Variants in LINGO2 observed in about 807,000 individuals in gnomAD.
LINGO2 encodes the protein leucine rich repeat and Ig domain containing 2, also known as leucine-rich repeat and immunoglobulin-like domain-containing nogo receptor-interacting protein 2.
In LINGO2, 14 loss-of-function variants were observed where a neutral mutation model predicts 30.6. The observed-to-expected ratio is 0.46, with a 90% confidence interval of 0.30 to 0.72. The LOEUF is 0.72. Among genes scored for constraint, LINGO2 ranks in the 30% least tolerant of loss-of-function variants. LINGO2 has a pLI of 0.07. For synonymous variants in LINGO2, 317 were observed against 288.5 expected, an observed-to-expected ratio of 1.10 and a Z score of -1.00; for missense variants, 729 against 751.7, an observed-to-expected ratio of 0.97 and a Z score of 0.35.
At chr9:28,042,337 A>C (rs927127605) in intron 4 of LINGO2, among the ~76,000 whole-genome samples, 4 of 152,196 alleles carry the variant, frequency 2.6e-5, no homozygotes, top group Non-Finnish European at 5.9e-5. Context: ...TGAGGAAATC[A>C]ATCAGCTCCA....
chr9:28,787,161 G>A, the LINGO2 span, among the ~76,000 whole-genome samples: 2 of 152,152 alleles, frequency 1.3e-5, no homozygotes, highest in African/African-American at 4.8e-5. Context: ...ACTCGTTTGT[G>A]CAAGAACGAA....
intron 1 of LINGO2, among the ~76,000 whole-genome samples, chr9:28,489,131 A>T (rs144971171): frequency 8.5e-4 from 130 of 152,360 alleles, no homozygotes; most frequent in African/African-American, 3.0e-3. Context: ...ACATTCTGGC[A>T]TAAATTGTCA....
intron 1 of LINGO2, among the ~76,000 whole-genome samples, chr9:28,586,415 C>G (rs1342458697): frequency 6.6e-6 from 1 of 151,978 alleles, no homozygotes; most frequent in Non-Finnish European, 1.5e-5. Flanking sequence ...TGACCTCTTA[C>G]CATAAATGAT....
At position 28,034,595 on chromosome 9, in the gene LINGO2, A is replaced by T. The variant is rs868747586; in HGVS notation, c.-86-22190T>A. Among the ~76,000 whole-genome samples the T allele has an allele frequency of 1.6e-4, 25 of 152,248 alleles. No individual in the cohort carries two copies. The Middle Eastern group carries it at 0.01, about 62-fold the overall frequency. On this transcript the variant is annotated intron_variant, in intron 4 of 5. Transcript: ENST00000379992. ...CAAGTCAGCCTAGAAAACGAGGATA[A>T]TATCTCTTGGCTGTAGAACAAACTG...
intron 1 of LINGO2, among the ~76,000 whole-genome samples, chr9:28,505,390 G>C (rs1009642164): frequency 1.3e-5 from 2 of 151,862 alleles, no homozygotes; most frequent in Non-Finnish European, 2.9e-5. Context: ...TTAGACAAAT[G>C]AGGGTAAATA....
the LINGO2 span, among the ~76,000 whole-genome samples, chr9:29,119,150 A>G: frequency 1.3e-5 from 2 of 152,188 alleles, no homozygotes; most frequent in African/African-American, 4.8e-5. Context: ...GAAAGCCATA[A>G]CAATCAGCAT....
intron 2 of LINGO2, among the ~76,000 whole-genome samples, chr9:28,398,832 G>A (rs186715758): frequency 1.4e-4 from 22 of 152,210 alleles, no homozygotes; most frequent in Admixed American, 1.3e-3. Flanking sequence ...CATGCAAATG[G>A]TGTCTAGGAG....
intron 4 of LINGO2, among the ~76,000 whole-genome samples, chr9:28,181,624 T>C (rs1828913350): frequency 6.6e-6 from 1 of 152,156 alleles, no homozygotes; most frequent in Non-Finnish European, 1.5e-5. Flanking sequence ...CCTAATGAAA[T>C]GTTTTCAAAT....
intron 5 of LINGO2, among the ~76,000 whole-genome samples, chr9:27,990,897 C>T (rs1361716655): frequency 6.6e-6 from 1 of 151,992 alleles, no homozygotes; most frequent in African/African-American, 2.4e-5. Flanking sequence ...CTCCAGCGTG[C>T]CTAAAAGCAA....
chr9:28,363,495 G>C (rs1820537659), intron 3 of LINGO2, among the ~76,000 whole-genome samples: 1 of 152,114 alleles, frequency 6.6e-6, no homozygotes, highest in African/African-American at 2.4e-5. Context: ...TCAGGTAATA[G>C]TCACATTGAC....
chr9:28,176,816 C>T (rs1404207121), intron 4 of LINGO2, among the ~76,000 whole-genome samples: 3 of 152,138 alleles, frequency 2.0e-5, no homozygotes, highest in South Asian at 2.1e-4. Flanking sequence ...AATGTAAGCA[C>T]GTGTAGTGTA....
At chr9:29,008,965 C>A in the LINGO2 span, among the ~76,000 whole-genome samples, 3 of 152,182 alleles carry the variant, frequency 2.0e-5, no homozygotes, top group South Asian at 6.2e-4. Flanking sequence ...CAAAAAAGGC[C>A]TTCAAAAAAA....
At chr9:28,802,730 G>C in the LINGO2 span, among the ~76,000 whole-genome samples, 2 of 151,930 alleles carry the variant, frequency 1.3e-5, no homozygotes, top group African/African-American at 4.8e-5. Context: ...TCCATTCATA[G>C]AGTTCCAGTG....
chr9:28,502,692 A>C (rs1476557622), intron 1 of LINGO2, among the ~76,000 whole-genome samples: 1 of 152,126 alleles, frequency 6.6e-6, no homozygotes, highest in East Asian at 1.9e-4. Context: ...TAAATTTTAA[A>C]ATTAGAAATT....
At chr9:28,809,348 A>G in the LINGO2 span, among the ~76,000 whole-genome samples, 1 of 152,204 alleles carries the variant, frequency 6.6e-6, no homozygotes, top group African/African-American at 2.4e-5. Flanking sequence ...TGCCAAGGTA[A>G]CACCATCTTT....
the LINGO2 span, among the ~76,000 whole-genome samples, chr9:28,762,839 G>T: frequency 6.6e-6 from 1 of 151,880 alleles, no homozygotes; most frequent in Non-Finnish European, 1.5e-5. Flanking sequence ...CTCCTGTGGT[G>T]GTGATATGAG....
intron 4 of LINGO2, among the ~76,000 whole-genome samples, chr9:28,123,453 A>C (rs975170635): frequency 5.3e-5 from 8 of 152,024 alleles, no homozygotes; most frequent in Non-Finnish European, 1.0e-4. Context: ...TGTCCTTCTC[A>C]AGGCTGCACT....
intron 3 of LINGO2, among the ~76,000 whole-genome samples, chr9:28,367,693 C>T (rs1820730922): frequency 6.6e-6 from 1 of 151,960 alleles, no homozygotes; most frequent in Admixed American, 6.6e-5. Flanking sequence ...ACTCTTCTGT[C>T]TCTTCTATTC....
At chr9:28,383,238 T>A (rs1049002692) in intron 2 of LINGO2, among the ~76,000 whole-genome samples, 1 of 145,002 alleles carries the variant, frequency 6.9e-6, no homozygotes, top group African/African-American at 2.6e-5. Context: ...ATTGAAACAC[T>A]ATAGATCACC....
Sources: gnomAD v4.1 joint callset for allele counts (sites outside exome capture counted in the v4.1 genomes callset) on GRCh38, gnomAD v4.1.1 for gene constraint, MANE v1.5 for transcripts, NCBI Gene and HGNC (gene_info 2026-07-23, HGNC 2026-07-21) for gene names.